Variants in NAV3 observed in about 807,000 individuals in gnomAD.
NAV3 encodes the protein pore membrane and/or filament interacting like protein 1.
NAV3 carries 87 observed loss-of-function variants against 244.7 expected under a neutral mutation model. That is an observed-to-expected ratio of 0.36 (90% confidence interval 0.30 to 0.42). The LOEUF is 0.42. NAV3 is among the 20% of genes least tolerant of loss of function. The pLI is 1.00. For missense variants in NAV3, 2,663 were observed against 2,893.3 expected (o/e 0.92, Z 1.83); for synonymous variants, 1,126 against 1,042.2 (o/e 1.08, Z -1.55).
chr12:77,876,220 T>G (rs895541059), intron 1 of NAV3, among the ~76,000 whole-genome samples: 2 of 152,052 alleles, frequency 1.3e-5, no homozygotes, highest in African/African-American at 4.8e-5. Flanking sequence ...ATTCCCTCCA[T>G]ATTTGATGAT....
intron 2 of NAV3, among the ~76,000 whole-genome samples, chr12:77,677,976 T>G (rs1484999647): frequency 6.6e-6 from 1 of 152,212 alleles, no homozygotes; most frequent in African/African-American, 2.4e-5. Context: ...ATTTTTTTCT[T>G]ACAACTTTAA....
Position 78,116,790 on chromosome 12 carries a change from A to C in NAV3, c.2655A>C (p.Ser885=), listed in dbSNP as rs1157244973. Residue 885 remains serine (S), a synonymous_variant, in exon 13 of 40, where the codon TCA becomes TCC. Coordinates refer to ENST00000397909, the MANE Select transcript of NAV3 (RefSeq NM_001024383.2). ...VDADSWDDSS[S]VSSGLSDTLD... ...CCTTTAGCTGGGATGACAGCAGTTC[A>C]GTGAGCAGTGGTCTCAGTGACACCC... is the stretch of plus-strand genomic sequence containing the variant. 4.4e-6 allele frequency: 7 copies of C among 1,601,114 alleles called. No individual in the cohort carries two copies. The highest frequency in any genetic ancestry group is 1.3e-5 in the African/African-American group (1 of 74,654).
intron 20 of NAV3, among the ~76,000 whole-genome samples, chr12:78,141,264 T>G (rs2139085039): frequency 7.5e-6 from 1 of 133,084 alleles, no homozygotes; most frequent in South Asian, 2.3e-4. Context: ...TTATAATTCA[T>G]TTTTGACAAG....
chr12:77,642,875 G>T (rs1382147315), intron 2 of NAV3, among the ~76,000 whole-genome samples: 1 of 152,022 alleles, frequency 6.6e-6, no homozygotes, highest in East Asian at 1.9e-4. Context: ...TAATATGAAA[G>T]CTAATTTTAA....
chr12:78,185,584 C>T lies in NAV3; in HGVS notation c.5693-17C>T, dbSNP rs2139802322. The T allele has an allele frequency of 1.2e-6, 2 of 1,601,548 alleles. No homozygotes were observed. Among genetic ancestry groups the T allele is most frequent in the East Asian group, 4.5e-5 (2 of 44,448 alleles). ...ATGTTATACTGTTGTGTATGTCTTT[C>T]TTTTAAAATTTGATAGATATTTTGC... is the stretch of plus-strand genomic sequence containing the variant. On this transcript the variant is annotated splice_polypyrimidine_tract_variant and intron_variant, in intron 30 of 39. Coordinates refer to ENST00000397909, the MANE Select transcript of NAV3 (RefSeq NM_001024383.2).
intron 5 of NAV3, among the ~76,000 whole-genome samples, chr12:77,987,881 G>T (rs935059225): frequency 2.0e-5 from 3 of 151,910 alleles, no homozygotes; most frequent in African/African-American, 7.2e-5. Flanking sequence ...ATAATTTTTA[G>T]AATATTTATG....
chr12:77,724,669 T>C (rs1185442151), intron 2 of NAV3, among the ~76,000 whole-genome samples: 1 of 151,802 alleles, frequency 6.6e-6, no homozygotes, highest in Non-Finnish European at 1.5e-5. Context: ...CATTCAGTAA[T>C]AGGTTTTCAT....
chr12:77,977,459 G>A (rs1047009835), intron 5 of NAV3, among the ~76,000 whole-genome samples: 4 of 148,216 alleles, frequency 2.7e-5, no homozygotes, highest in Middle Eastern at 3.3e-3. Flanking sequence ...CACCTGTAGA[G>A]TATCTTTTGG....
At chr12:77,915,643 G>A (rs978280747) in intron 1 of NAV3, among the ~76,000 whole-genome samples, 3 of 151,874 alleles carry the variant, frequency 2.0e-5, no homozygotes, top group African/African-American at 7.3e-5. Flanking sequence ...GATGAGGAGG[G>A]TACATTTTCT....
At chr12:78,196,686 G>A (rs1161124306) in intron 34 of NAV3, among the ~76,000 whole-genome samples, 1 of 151,900 alleles carries the variant, frequency 6.6e-6, no homozygotes, top group African/African-American at 2.4e-5. Context: ...GCAATTGCAT[G>A]CAGATTATAA....
intron 2 of NAV3, among the ~76,000 whole-genome samples, chr12:77,646,385 C>T (rs534142180): frequency 4.6e-5 from 7 of 152,220 alleles, no homozygotes; most frequent in East Asian, 3.9e-4. Context: ...GCAGAGAAAG[C>T]GGAAGTTTTC....
intron 1 of NAV3, among the ~76,000 whole-genome samples, chr12:77,870,990 A>G (rs1209898867): frequency 1.3e-5 from 2 of 152,232 alleles, no homozygotes; most frequent in African/African-American, 4.8e-5. Context: ...AGGCATGTAC[A>G]CACTCACACG....
chr12:77,774,337 C>T (rs897372596), intron 2 of NAV3, among the ~76,000 whole-genome samples: 3 of 152,110 alleles, frequency 2.0e-5, no homozygotes, highest in African/African-American at 7.2e-5. Context: ...ACTATTTTAG[C>T]CTTCACAAGT....
chr12:78,089,421 G>A (rs1197989767), intron 12 of NAV3, among the ~76,000 whole-genome samples: 1 of 152,038 alleles, frequency 6.6e-6, no homozygotes, highest in Non-Finnish European at 1.5e-5. Flanking sequence ...GTTTAAACAG[G>A]CATACTGGTA....
chr12:77,660,655 G>A (rs376241320), intron 2 of NAV3, among the ~76,000 whole-genome samples: 9 of 152,082 alleles, frequency 5.9e-5, no homozygotes, highest in South Asian at 4.1e-4. Flanking sequence ...ATACAGACAT[G>A]TTTAGGTATA....
At chr12:77,972,889 AT>A (rs762843872) in intron 5 of NAV3, among the ~76,000 whole-genome samples, 10 of 152,124 alleles carry the variant, frequency 6.6e-5, no homozygotes, top group Non-Finnish European at 1.2e-4. Context: ...CTAAAAGAAA[AT>A]TCTATTTCAA....
At chr12:77,722,093 A>G (rs532876433) in intron 2 of NAV3, among the ~76,000 whole-genome samples, 2 of 152,162 alleles carry the variant, frequency 1.3e-5, no homozygotes, top group South Asian at 2.1e-4. Flanking sequence ...AAATGTTTAA[A>G]CTGAAAAAAG....
intron 2 of NAV3, among the ~76,000 whole-genome samples, chr12:77,786,828 C>A (rs1870925297): frequency 6.6e-6 from 1 of 152,088 alleles, no homozygotes; most frequent in South Asian, 2.1e-4. Context: ...GGCCTTGAAG[C>A]CCACATTGTT....
intron 12 of NAV3, among the ~76,000 whole-genome samples, chr12:78,113,175 G>A (rs1246562846): frequency 3.3e-5 from 5 of 152,238 alleles, no homozygotes; most frequent in Non-Finnish European, 7.3e-5. Flanking sequence ...ACTCCAGGCT[G>A]CTTTTACAAG....
Sources: allele counts gnomAD v4.1 joint callset (sites outside exome capture counted in the v4.1 genomes callset), GRCh38; gene constraint gnomAD v4.1.1; transcripts MANE v1.5; gene names NCBI Gene and HGNC (gene_info 2026-07-23, HGNC 2026-07-21).